Variants in PCDHGB1 observed in about 807,000 individuals in gnomAD.
PCDHGB1 encodes protocadherin gamma subfamily B, 1.
PCDHGB1 carries 34 observed loss-of-function variants against 56.6 expected under a neutral mutation model. The observed-to-expected ratio is 0.60, with a 90% CI of 0.46 to 0.80. The LOEUF (loss-of-function observed/expected upper bound fraction) is 0.80, where lower values mean the gene tolerates loss of function less well. Among genes scored for constraint, PCDHGB1 ranks in the 30% least tolerant of loss-of-function variants. PCDHGB1 has a pLI of 0.00. For missense variants in PCDHGB1, 1,278 were observed against 1,204.6 expected, an observed-to-expected ratio of 1.06 and a Z score of -0.90; for synonymous variants, 561 against 505.9, an observed-to-expected ratio of 1.11 and a Z score of -1.46.
At chr5:141,370,956 G>A in intron 1 of PCDHGB1, 1 of 1,613,992 alleles carries the variant, frequency 6.2e-7, no homozygotes, top group South Asian at 1.1e-5. Flanking sequence ...GAACCTGGAT[G>A]GCAGTAGGTA....
chr5:141,410,245 C>T, intron 1 of PCDHGB1: 1 of 1,614,038 alleles, frequency 6.2e-7, no homozygotes. Context: ...GCCCTGTACT[C>T]TCTGACCCCC....
intron 1 of PCDHGB1, chr5:141,385,402 T>A: frequency 6.7e-7 from 1 of 1,488,784 alleles, no homozygotes; most frequent in Non-Finnish European, 8.9e-7. Context: ...AACAAATGTT[T>A]TGAAAATAGG....
chr5:141,371,434 T>C, intron 1 of PCDHGB1: 1 of 1,614,004 alleles, frequency 6.2e-7, no homozygotes, highest in Non-Finnish European at 8.5e-7. Flanking sequence ...GCCCCGGAGA[T>C]AACCCTGGCT....
chr5:141,408,556 T>C (rs1215804867), intron 1 of PCDHGB1: 3 of 1,613,940 alleles, frequency 1.9e-6, no homozygotes, highest in Non-Finnish European at 2.5e-6. Context: ...ATATTTTTCA[T>C]GTCATTGTGG....
intron 1 of PCDHGB1, chr5:141,403,867 A>C (rs755401788): frequency 1.1e-5 from 17 of 1,613,606 alleles, no homozygotes; most frequent in Admixed American, 3.3e-5. Flanking sequence ...CAACAGCAAA[A>C]AGTCTAGATT....
At chr5:141,356,327 C>G (rs1446078924) in intron 1 of PCDHGB1, 10 of 1,554,192 alleles carry the variant, frequency 6.4e-6, no homozygotes, top group African/African-American at 1.4e-5. Context: ...GACAGTGACT[C>G]AGGAGGAAAT....
intron 1 of PCDHGB1, chr5:141,393,560 G>A (rs1448273528): frequency 1.5e-5 from 24 of 1,613,796 alleles, no homozygotes; most frequent in Non-Finnish European, 2.0e-5. Context: ...TTTACCGAGT[G>A]AAAGTCCTTG....
intron 1 of PCDHGB1, chr5:141,427,909 C>G: frequency 6.3e-7 from 1 of 1,576,922 alleles, no homozygotes; most frequent in Non-Finnish European, 8.7e-7. Context: ...GCGCTCAGCG[C>G]CAACATGAGC....
At chr5:141,439,029 G>A (rs2098083069) in intron 1 of PCDHGB1, among the ~76,000 whole-genome samples, 1 of 151,510 alleles carries the variant, frequency 6.6e-6, no homozygotes, top group Non-Finnish European at 1.5e-5. Flanking sequence ...GAAAATAGAT[G>A]CCTCAGTTCA....
chr5:141,365,129 A>G, intron 1 of PCDHGB1: 1 of 1,613,908 alleles, frequency 6.2e-7, no homozygotes, highest in Non-Finnish European at 8.5e-7. Context: ...GCTAACCGCC[A>G]CGGATCCAGA....
At chr5:141,507,704 G>A (rs989196400) in intron 3 of PCDHGB1, among the ~76,000 whole-genome samples, 5 of 152,210 alleles carry the variant, frequency 3.3e-5, no homozygotes, top group African/African-American at 9.6e-5. Context: ...AGTATTTATG[G>A]CCCCAAACCC....
chr5:141,355,294 C>G, intron 1 of PCDHGB1: 1 of 1,613,896 alleles, frequency 6.2e-7, no homozygotes, highest in Non-Finnish European at 8.5e-7. Flanking sequence ...CGAACAGATT[C>G]TCTACTCGGT....
In PCDHGB1 at chr5:141,431,620, G is replaced by T; in HGVS notation, c.2410-63187G>T. 6.2e-7 allele frequency: 1 copy of T among 1,614,232 alleles called. No individual in the cohort carries two copies. The highest frequency in any genetic ancestry group is 8.5e-7 in the Non-Finnish European group (1 of 1,180,050). Reference sequence around the variant, plus strand: ...ATTCCTTCCGGTATGTGGACGACAAGGCGGCCCAAGTTTTCAAACTAGATT... The same window carrying T: ...ATTCCTTCCGGTATGTGGACGACAATGCGGCCCAAGTTTTCAAACTAGATT... On this transcript the variant is annotated intron_variant, in intron 1 of 3. Transcript: ENST00000523390. The surrounding 1 kb of genome is among the most constrained non-coding windows in gnomAD (Gnocchi z 4.8).
At chr5:141,482,862 A>G (rs1169526338) in intron 1 of PCDHGB1, among the ~76,000 whole-genome samples, 1 of 152,180 alleles carries the variant, frequency 6.6e-6, no homozygotes, top group Non-Finnish European at 1.5e-5. Context: ...ACTTGAGGTC[A>G]GGAGTTTGAA....
intron 1 of PCDHGB1, among the ~76,000 whole-genome samples, chr5:141,443,859 GAA>G (rs2098408229): frequency 6.6e-6 from 1 of 152,104 alleles, no homozygotes; most frequent in Non-Finnish European, 1.5e-5. Context: ...TCTGAAAACT[GAA>G]AAAATTACTG....
chr5:141,505,628 A>C, intron 3 of PCDHGB1, 147 bp downstream of exon 3: 1 of 1,481,752 alleles, frequency 6.7e-7, no homozygotes, highest in Non-Finnish European at 9.0e-7. Flanking sequence ...ACAATTCCAA[A>C]CATAAAGCCT....
intron 1 of PCDHGB1, among the ~76,000 whole-genome samples, chr5:141,460,445 G>A (rs896549154): frequency 7.2e-5 from 11 of 152,144 alleles, no homozygotes; most frequent in Admixed American, 5.9e-4. Flanking sequence ...AGGTAACAAT[G>A]AAGATTCATA....
At chr5:141,392,584 C>T (rs1252723609) in intron 1 of PCDHGB1, 1 of 473,072 alleles carries the variant, frequency 2.1e-6, no homozygotes, top group African/African-American at 2.0e-5. Context: ...CTGTAAGCGC[C>T]GCTGTTCACC....
At chr5:141,371,894 G>A in intron 1 of PCDHGB1, 4 of 1,613,426 alleles carry the variant, frequency 2.5e-6, no homozygotes, top group Non-Finnish European at 3.4e-6. Flanking sequence ...AGCCGCGGGA[G>A]CTGTCGTCCT....
Sources: allele counts gnomAD v4.1 joint callset (sites outside exome capture counted in the v4.1 genomes callset), GRCh38; gene constraint gnomAD v4.1.1; non-coding constraint Gnocchi (gnomAD v3.1); transcripts MANE v1.5; gene names NCBI Gene and HGNC (gene_info 2026-07-23, HGNC 2026-07-21).